Variants in SRGAP2B observed in about 807,000 individuals in gnomAD.
SRGAP2B encodes the protein SLIT-ROBO Rho GTPase-activating protein 2B.
SRGAP2B carries 9 observed loss-of-function variants against 22.2 expected under a neutral mutation model. The observed-to-expected ratio is 0.41, with a 90% CI of 0.24 to 0.71. The LOEUF is 0.71. SRGAP2B is among the 30% of genes least tolerant of loss of function. The probability of loss-of-function intolerance (pLI) is 0.35; values close to 1 mark genes in which losing one functional copy is unlikely to be tolerated. For missense variants in SRGAP2B, 114 were observed against 235.8 expected (o/e 0.48, Z 3.38); for synonymous variants, 36 against 87.4 (o/e 0.41, Z 3.28).
chr1:144,993,571 G>A (rs1354077860), intron 3 of SRGAP2B, among the ~76,000 whole-genome samples: 1 of 149,702 alleles, frequency 6.7e-6, no homozygotes, highest in Non-Finnish European at 1.5e-5. Context: ...AGCTGGGTAT[G>A]ATGGTGCACA....
chr1:144,988,918 TTTATCCAGTCAG>T (rs1329724827), intron 3 of SRGAP2B, among the ~76,000 whole-genome samples: 4 of 142,810 alleles, frequency 2.8e-5, no homozygotes, highest in Non-Finnish European at 4.5e-5. Flanking sequence ...GGTTCTATGC[TTTATCCAGTCAG>T]TTATCCAGTC....
intron 5 of SRGAP2B, among the ~76,000 whole-genome samples, chr1:144,910,510 T>A: frequency 1.3e-5 from 2 of 149,904 alleles, no homozygotes; most frequent in Non-Finnish European, 2.9e-5. Context: ...ACACAGCCGA[T>A]GCTCCAAGCC....
At position 144,993,565 on chromosome 1, in the gene SRGAP2B, G is replaced by A. The variant is rs587714436; in HGVS notation, c.260+1443C>T. Among the ~76,000 whole-genome samples the A allele has an allele frequency of 5.2e-3, 774 of 149,740 alleles. 24 individuals are homozygous for A. The highest frequency in any genetic ancestry group is 9.9e-3 in the Admixed American group (149 of 15,074). ...CAATTAAAATAAAATAAAAATAGCT[G>A]GGTATGATGGTGCACACCTGCAGTC... On this transcript the variant is annotated intron_variant, in intron 3 of 9. Coordinates refer to ENST00000612199, the Ensembl canonical transcript of SRGAP2B.
At chr1:144,934,256 T>C (rs1665450257) in intron 4 of SRGAP2B, among the ~76,000 whole-genome samples, 1 of 149,990 alleles carries the variant, frequency 6.7e-6, no homozygotes, top group Admixed American at 6.6e-5. Context: ...TATACAAAAA[T>C]TAGCCAGGCA....
chr1:144,975,569 G>A (rs376376606), intron 3 of SRGAP2B, among the ~76,000 whole-genome samples: 13 of 143,874 alleles, frequency 9.0e-5, no homozygotes, highest in African/African-American at 2.8e-4. Flanking sequence ...CAGCTTCTCC[G>A]CCATGTTGTC....
At chr1:144,983,923 T>G (rs1344814087) in intron 3 of SRGAP2B, among the ~76,000 whole-genome samples, 2 of 150,740 alleles carry the variant, frequency 1.3e-5, no homozygotes, top group African/African-American at 5.0e-5. Context: ...ACTAGAAATT[T>G]TAGCTTCAAT....
chr1:145,041,075 G>A (rs1470023261), intron 2 of SRGAP2B, among the ~76,000 whole-genome samples: 463 of 76,148 alleles, frequency 6.1e-3, no homozygotes, highest in African/African-American at 0.013. Context: ...TATATATATA[G>A]TATATATATA....
At chr1:144,926,938 C>A (rs1664776674) in intron 4 of SRGAP2B, among the ~76,000 whole-genome samples, 1 of 151,348 alleles carries the variant, frequency 6.6e-6, no homozygotes, top group African/African-American at 2.4e-5. Flanking sequence ...TCACTTAGAT[C>A]TATATTTTTT....
rs1345409580 is a variant in SRGAP2B at position 145,079,967 on chromosome 1, T to C, written c.67+12868A>G. Among the ~76,000 whole-genome samples the C allele has an allele frequency of 5.8e-4, 87 of 149,950 alleles. 1 individual carries two copies. Among genetic ancestry groups the C allele is most frequent in the Non-Finnish European group, 1.0e-3 (68 of 67,736 alleles). ...TCCCCCAGGTTTGTCCCAGACCAGA[T>C]GTCAGAGATTACGAGCCTCCCACTT... is the stretch of plus-strand genomic sequence containing the variant. On this transcript the variant is annotated intron_variant, in intron 2 of 9. Transcript: ENST00000612199.
intron 2 of SRGAP2B, among the ~76,000 whole-genome samples, chr1:145,085,130 T>C (rs1653297971): frequency 1.3e-5 from 2 of 151,716 alleles, no homozygotes; most frequent in South Asian, 2.1e-4. Flanking sequence ...TTTGTAGAGA[T>C]GAGGTTTTGC....
At chr1:144,986,096 C>T (rs1463442619) in intron 3 of SRGAP2B, among the ~76,000 whole-genome samples, 1 of 112,146 alleles carries the variant, frequency 8.9e-6, no homozygotes, top group Admixed American at 9.7e-5. Flanking sequence ...TCCCTAAATG[C>T]AATCACTTAG....
rs1240786014 is a variant in SRGAP2B, at chr1:144,960,538, G to A, written c.261-4937C>T. 1.1e-4 allele frequency among the ~76,000 whole-genome samples: 17 copies of A among 150,460 alleles called. 1 individual carries two copies. Among genetic ancestry groups the A allele is most frequent in the African/African-American group, 4.0e-4 (16 of 40,138 alleles). ...ACGTTCAACAAACTTAGCAACAAGC[G>A]CTTAAAGGGATTTCTCTAAAATATC... On this transcript the variant is annotated intron_variant, in intron 3 of 9. Transcript: ENST00000612199.
chr1:144,997,078 G>A (rs1670737017), intron 2 of SRGAP2B, among the ~76,000 whole-genome samples: 1 of 150,492 alleles, frequency 6.6e-6, no homozygotes, highest in Non-Finnish European at 1.5e-5. Flanking sequence ...TGGGCAGACT[G>A]TACATTGAGA....
intron 3 of SRGAP2B, among the ~76,000 whole-genome samples, chr1:144,956,723 T>A (rs1667295226): frequency 6.7e-6 from 1 of 150,308 alleles, no homozygotes; most frequent in African/African-American, 2.5e-5. Flanking sequence ...GCTGGGATTA[T>A]AGGAGTGAGC....
chr1:144,999,938 C>G (rs1553619356), intron 2 of SRGAP2B, among the ~76,000 whole-genome samples: 1 of 149,758 alleles, frequency 6.7e-6, no homozygotes, highest in African/African-American at 2.5e-5. Context: ...GTGAATTTTA[C>G]AGTATGTGAA....
chr1:144,984,975 T>C (rs1300029905), intron 3 of SRGAP2B, among the ~76,000 whole-genome samples: 2 of 135,264 alleles, frequency 1.5e-5, no homozygotes, highest in African/African-American at 3.0e-5. Flanking sequence ...CTTCTAGCTG[T>C]GCCCCTTTTT....
At position 144,944,459 on chromosome 1, in the gene SRGAP2B, C is replaced by T. The variant is rs587609599; in HGVS notation, c.423+10980G>A. Among the ~76,000 whole-genome samples, 43 of 148,920 alleles carry T rather than the reference C, an allele frequency of 2.9e-4. 2 individuals are homozygous for T. Among genetic ancestry groups the T allele is most frequent in the Non-Finnish European group, 4.9e-4 (33 of 67,576 alleles). On this transcript the variant is annotated intron_variant, in intron 4 of 9. Transcript: ENST00000612199. ...AAAATTAGCCAAGCATGATGGTACA[C>T]ACCTGTAGTATCAGACACATGAGAA...
rs587714618 is a variant in SRGAP2B, at chr1:144,971,426, C to T, written c.261-15825G>A. Among the ~76,000 whole-genome samples the T allele has an allele frequency of 2.7e-4, 41 of 150,444 alleles. 2 individuals are homozygous for T. The East Asian group carries it at 6.0e-3, about 22-fold the overall frequency. On this transcript the variant is annotated intron_variant, in intron 3 of 9. Transcript: ENST00000612199. The stretch of plus-strand genomic sequence containing the variant: ...GATTACAGGTGTGAACCACCGCACC[C>T]GGCCCATACTTTTTTTTTGCAGAGA...
At chr1:144,928,538 C>T (rs1368081742) in intron 4 of SRGAP2B, among the ~76,000 whole-genome samples, 7 of 130,758 alleles carry the variant, frequency 5.4e-5, no homozygotes, top group African/African-American at 1.2e-4. Flanking sequence ...CCTGGGTTCA[C>T]GCCATTCTCC....
Sources: allele counts gnomAD v4.1 joint callset (sites outside exome capture counted in the v4.1 genomes callset), GRCh38; gene constraint gnomAD v4.1.1; transcripts MANE v1.5; gene names NCBI Gene and HGNC (gene_info 2026-07-23, HGNC 2026-07-21).